TESK2: variants seen among roughly 807,000 people sequenced by gnomAD.
The protein encoded by TESK2 is testis associated actin remodelling kinase 2.
Under a neutral mutation model 57.1 loss-of-function variants are expected in TESK2, and 39 were observed. The ratio of observed to expected loss-of-function variants is 0.68; its 90% CI spans 0.53 to 0.89. The LOEUF is 0.89. TESK2 is among the 40% of genes least tolerant of loss of function. The pLI, the probability that TESK2 is intolerant of heterozygous loss-of-function variation, is 0.00. For missense variants in TESK2, 646 were observed against 732.1 expected (o/e 0.88, Z 1.36); for synonymous variants, 249 against 267.9 (o/e 0.93, Z 0.69).
rs1300135121 is a variant in TESK2, at chr1:45,345,290, A to G, written c.1266T>C (p.Ser422=). 6.2e-7 allele frequency: 1 copy of G among 1,614,200 alleles called. No individual in the cohort carries two copies. Among genetic ancestry groups the G allele is most frequent in the Admixed American group, 1.7e-5 (1 of 60,034 alleles). ...CCAGGTCAAATACCAGAGAGATGAC[A>G]GACTTGCTGGGCAGGTCAAAAAACT... ...KIKFFDLPSK[S]VISLVFDLDA... Residue 422 remains serine, a synonymous_variant, in exon 11 of 11, where the codon TCT becomes TCC. Coordinates refer to ENST00000372086, the MANE Select transcript of TESK2 (RefSeq NM_007170.3).
intron 4 of TESK2, among the ~76,000 whole-genome samples, chr1:45,381,345 G>C (rs975285166): frequency 8.5e-5 from 13 of 152,148 alleles, no homozygotes; most frequent in Non-Finnish European, 1.5e-4. Context: ...CCTGATAAGG[G>C]CAGAGCATAC....
At chr1:45,429,525 T>A (rs978422130) in intron 2 of TESK2, among the ~76,000 whole-genome samples, 2 of 150,988 alleles carry the variant, frequency 1.3e-5, no homozygotes, top group Non-Finnish European at 3.0e-5. Flanking sequence ...AAGACAGGCA[T>A]TTTTTTTAAA....
At chr1:45,468,730 CAT>C (rs748843833) in intron 1 of TESK2, among the ~76,000 whole-genome samples, 2 of 152,026 alleles carry the variant, frequency 1.3e-5, no homozygotes, top group Non-Finnish European at 2.9e-5. Context: ...ACCAGAAAAA[CAT>C]AAGGCGTTAT....
intron 4 of TESK2, among the ~76,000 whole-genome samples, chr1:45,375,176 A>G (rs1405063411): frequency 1.3e-5 from 2 of 152,212 alleles, no homozygotes; most frequent in African/African-American, 2.4e-5. Context: ...AAAAACCTCC[A>G]AAGACTTCAC....
intron 2 of TESK2, among the ~76,000 whole-genome samples, chr1:45,443,160 T>TG (rs1651510417): frequency 6.6e-6 from 1 of 152,026 alleles, no homozygotes; most frequent in African/African-American, 2.4e-5. Flanking sequence ...GTGGCCAAGG[T>TG]GGGGGGATCA....
At chr1:45,439,550 T>A (rs184831945) in intron 2 of TESK2, among the ~76,000 whole-genome samples, 1 of 152,316 alleles carries the variant, frequency 6.6e-6, no homozygotes, top group Admixed American at 6.5e-5. Flanking sequence ...TAATAGTTCA[T>A]TATATTTTCT....
Position 45,376,349 on chromosome 1 carries a change from G to GGGATTA in TESK2, c.393+9557_393+9562dup, listed in dbSNP as rs1260823918. On this transcript the variant is annotated intron_variant, in intron 4 of 10. Transcript: ENST00000372086. Reference sequence around the variant, plus strand: ...TCCTGCCTCAGCCTCTCAAGTAGCTGGGATTACAGGCCCCCGCCACCACGT... The same window carrying GGGATTA: ...TCCTGCCTCAGCCTCTCAAGTAGCTGGGATTAGGATTACAGGCCCCCGCCACCACGT... Among the ~76,000 whole-genome samples the GGGATTA allele has an allele frequency of 2.0e-5, 3 of 150,470 alleles. No homozygotes were observed. In the East Asian group the frequency reaches 5.9e-4, roughly 29 times the overall value.
intron 4 of TESK2, among the ~76,000 whole-genome samples, chr1:45,379,858 C>T (rs1456696370): frequency 1.3e-5 from 2 of 152,086 alleles, no homozygotes; most frequent in Non-Finnish European, 2.9e-5. Context: ...TGGTTCTCAT[C>T]GCCACAGAAG....
intron 3 of TESK2, 32 bp downstream of exon 3, chr1:45,421,693 C>T: frequency 6.2e-7 from 1 of 1,611,986 alleles, no homozygotes; most frequent in Non-Finnish European, 8.5e-7. Flanking sequence ...TTTCAGTTTT[C>T]TCATTGATCA....
chr1:45,409,465 C>T (rs1324660362), intron 3 of TESK2, among the ~76,000 whole-genome samples: 2 of 152,100 alleles, frequency 1.3e-5, no homozygotes, highest in African/African-American at 4.8e-5. Context: ...GCCACGTAGG[C>T]CAAATCATTT....
chr1:45,344,584 G>T lies in TESK2; in HGVS notation c.*256C>A. 2.0e-6 allele frequency: 1 copy of T among 488,162 alleles called. No individual in the cohort carries two copies. Among genetic ancestry groups the T allele is most frequent in the Non-Finnish European group, 3.7e-6 (1 of 270,458 alleles). 30.2% of individuals were successfully genotyped at this position (488,162 alleles called of 1,614,324 possible). A position where few individuals can be genotyped will look rare whatever the true frequency, so the allele number is the denominator to read the frequency against. ...CCTATCTGGGGAAGTACACTGGAGAGGGTCTGGTGGGAGGCAGACCTCCTT... is the reference window on the plus strand; with the variant it reads ...CCTATCTGGGGAAGTACACTGGAGATGGTCTGGTGGGAGGCAGACCTCCTT... On this transcript the variant is annotated 3_prime_UTR_variant, in exon 11 of 11. Coordinates refer to ENST00000372086, the MANE Select transcript of TESK2 (RefSeq NM_007170.3).
Position 45,347,042 on chromosome 1 carries a change from A to G in TESK2, c.729T>C (p.Gly243=), listed in dbSNP as rs1557537111. ...YNEKADVFSY[G]IILCEIIARI... is the part of the protein sequence containing the mutation. ...GGGCGATGATCTCGCAGAGGATGAT[A>G]CCATAAGAGAACACATCTGCCTGGT... The change falls in exon 8 of 11, where the codon GGT becomes GGC. Residue 243 remains glycine, a synonymous_variant. Coordinates refer to ENST00000372086, the MANE Select transcript of TESK2 (RefSeq NM_007170.3). 2.5e-6 allele frequency: 4 copies of G among 1,614,180 alleles called. No homozygotes were observed. The highest frequency in any genetic ancestry group is 3.4e-6 in the Non-Finnish European group (4 of 1,180,034).
At chr1:45,441,938 G>C (rs970941138) in intron 2 of TESK2, among the ~76,000 whole-genome samples, 6 of 151,746 alleles carry the variant, frequency 4.0e-5, no homozygotes, top group African/African-American at 7.3e-5. Context: ...TTTTTGTTTT[G>C]TTTTGTTTTG....
chr1:45,470,613 C>T (rs1765711), intron 1 of TESK2, among the ~76,000 whole-genome samples: 31,021 of 152,108 alleles, frequency 0.2, 3,460 homozygotes, highest in Non-Finnish European at 0.26. Flanking sequence ...AACTTCAATC[C>T]ACCAGGCCCT....
chr1:45,481,419 G>A (rs1570776162), intron 1 of TESK2, among the ~76,000 whole-genome samples: 1 of 151,990 alleles, frequency 6.6e-6, no homozygotes, highest in East Asian at 1.9e-4. Flanking sequence ...GGGGAACCAT[G>A]GGCAACTGTA....
At chr1:45,370,392 T>A (rs1252999842) in intron 4 of TESK2, among the ~76,000 whole-genome samples, 1 of 152,214 alleles carries the variant, frequency 6.6e-6, no homozygotes, top group African/African-American at 2.4e-5. Context: ...ATTTATTTAT[T>A]CAATCAACAA....
intron 3 of TESK2, among the ~76,000 whole-genome samples, chr1:45,418,251 A>C (rs1258603345): frequency 2.0e-5 from 3 of 152,216 alleles, no homozygotes; most frequent in Non-Finnish European, 4.4e-5. Flanking sequence ...TATTACTTAA[A>C]ATATGATCAT....
chr1:45,486,782 T>TAC (rs71052887), intron 1 of TESK2, among the ~76,000 whole-genome samples: 1,901 of 115,866 alleles, frequency 0.016, 32 homozygotes, highest in Middle Eastern at 0.057. Context: ...CCTCCCAGCA[T>TAC]ACACACACAC....
chr1:45,398,876 C>A, intron 3 of TESK2: 1 of 412,160 alleles, frequency 2.4e-6, no homozygotes, highest in Non-Finnish European at 4.7e-6. Context: ...CTTCTTCCTT[C>A]ATCTGCCAGC....
Sources: gnomAD v4.1 joint callset for allele counts (sites outside exome capture counted in the v4.1 genomes callset) on GRCh38, gnomAD v4.1.1 for gene constraint, MANE v1.5 for transcripts, NCBI Gene and HGNC (gene_info 2026-07-23, HGNC 2026-07-21) for gene names.